Variants in LRRC37A2 observed in about 807,000 individuals in gnomAD.
LRRC37A2 encodes the protein leucine-rich repeat-containing protein 37A2.
LRRC37A2 carries 9 observed loss-of-function variants against 68.8 expected under a neutral mutation model. The observed-to-expected ratio is 0.13, with a 90% confidence interval of 0.08 to 0.23. LRRC37A2 has a LOEUF of 0.23. Among genes scored for constraint, LRRC37A2 ranks in the 10% least tolerant of loss-of-function variants. The pLI is 1.00. For missense variants in LRRC37A2, 168 were observed against 950.4 expected, an observed-to-expected ratio of 0.18 and a Z score of 10.82; for synonymous variants, 63 against 367.6, an observed-to-expected ratio of 0.17 and a Z score of 9.48.
At chr17:46,775,908 C>G in the LRRC37A2 span, among the ~76,000 whole-genome samples, 1 of 152,140 alleles carries the variant, frequency 6.6e-6, no homozygotes, top group African/African-American at 2.4e-5. Context: ...CCACCACGCC[C>G]GGCCCAGAAG....
chr17:46,755,787 G>C, the LRRC37A2 span: 2 of 1,595,846 alleles, frequency 1.3e-6, no homozygotes, highest in African/African-American at 2.8e-5. Flanking sequence ...TTGTGTTTTG[G>C]TATTTCTTTT....
the LRRC37A2 span, chr17:46,941,066 T>A: frequency 9.2e-7 from 1 of 1,082,418 alleles, no homozygotes. Context: ...AGCCAGCCTC[T>A]GTGACCTTGT....
At chr17:46,830,978 A>G in the LRRC37A2 span, 1 of 391,010 alleles carries the variant, frequency 2.6e-6, no homozygotes. Context: ...GTCTGGTTAG[A>G]ATGAAACCTC....
chr17:46,493,631 G>A, the LRRC37A2 span, among the ~76,000 whole-genome samples: 7 of 147,458 alleles, frequency 4.7e-5, no homozygotes, highest in East Asian at 2.0e-4. Flanking sequence ...TCCCCCTCCC[G>A]GGTTCACACC....
the LRRC37A2 span, among the ~76,000 whole-genome samples, chr17:46,795,307 A>C: frequency 6.6e-6 from 1 of 152,272 alleles, no homozygotes; most frequent in Admixed American, 6.5e-5. Flanking sequence ...TGGTGTGGCC[A>C]GAACTGGGGA....
intron 8 of LRRC37A2, among the ~76,000 whole-genome samples, chr17:46,541,888 A>G (rs2055392302): frequency 6.7e-6 from 1 of 149,818 alleles, no homozygotes. Flanking sequence ...AATCCCCTGC[A>G]GACACCGAGG....
the LRRC37A2 span, among the ~76,000 whole-genome samples, chr17:46,819,440 C>T: frequency 2.0e-5 from 3 of 152,188 alleles, no homozygotes. This position sits in a 1 kb window ranked among gnomAD's most constrained non-coding sequence, Gnocchi z 5.3. Context: ...AGTCGCATTT[C>T]CTGCTCTCGG....
the LRRC37A2 span, among the ~76,000 whole-genome samples, chr17:46,440,671 T>C: frequency 0.6 from 5,802 of 9,712 alleles, 1,543 homozygotes; most frequent in Non-Finnish European, 0.83. Context: ...TTCATCATGT[T>C]AGCCAGGCTG....
the LRRC37A2 span, chr17:46,923,374 G>T: frequency 6.8e-7 from 1 of 1,472,644 alleles, no homozygotes. Flanking sequence ...CTTAATCCTT[G>T]GCGGGACTCC....
At chr17:46,776,143 C>T in the LRRC37A2 span, among the ~76,000 whole-genome samples, 1 of 152,242 alleles carries the variant, frequency 6.6e-6, no homozygotes, top group Non-Finnish European at 1.5e-5. Flanking sequence ...GGGTGTCAGA[C>T]TCCAGAGCCC....
At chr17:46,877,071 G>T in the LRRC37A2 span, 8 of 1,086,114 alleles carry the variant, frequency 7.4e-6, no homozygotes, top group African/African-American at 1.1e-4. Flanking sequence ...TTGCTTCCTG[G>T]GATGAATGGC....
the LRRC37A2 span, chr17:46,934,947 C>T: frequency 7.8e-7 from 1 of 1,287,830 alleles, no homozygotes; most frequent in South Asian, 1.2e-5. Flanking sequence ...TCTGGCTTGG[C>T]CTTGGCCAAA....
chr17:46,609,832 T>TTC, the LRRC37A2 span, among the ~76,000 whole-genome samples: 3 of 141,566 alleles, frequency 2.1e-5, no homozygotes, highest in East Asian at 1.9e-4. Context: ...TGTTTCTTTT[T>TTC]TTTTTTTTTT....
chr17:46,872,793 G>A, the LRRC37A2 span: 2 of 1,360,784 alleles, frequency 1.5e-6, no homozygotes, highest in Admixed American at 1.8e-5. Flanking sequence ...AGGGCTAGGG[G>A]ACGGGGAGGG....
chr17:47,017,849 T>C, the LRRC37A2 span: 35 of 1,610,752 alleles, frequency 2.2e-5, 1 homozygote, highest in South Asian at 2.7e-4. Flanking sequence ...CTCAATTCCA[T>C]CTAGAGCCCG....
the LRRC37A2 span, among the ~76,000 whole-genome samples, chr17:46,820,150 C>T: frequency 6.6e-6 from 1 of 152,224 alleles, no homozygotes; most frequent in Non-Finnish European, 1.5e-5. Flanking sequence ...GCCCCCCGTA[C>T]CCACAGCTCC....
chr17:46,973,689 C>G, the LRRC37A2 span, among the ~76,000 whole-genome samples: 1 of 152,128 alleles, frequency 6.6e-6, no homozygotes, highest in African/African-American at 2.4e-5. Flanking sequence ...TCCTGGACAC[C>G]CCGTGTATCT....
the LRRC37A2 span, among the ~76,000 whole-genome samples, chr17:46,608,740 AC>A: frequency 5.7e-5 from 7 of 122,846 alleles, no homozygotes; most frequent in African/African-American, 2.4e-4. Flanking sequence ...GATTATGGGC[AC>A]CCACCACCAC....
the LRRC37A2 span, among the ~76,000 whole-genome samples, chr17:46,809,653 C>G: frequency 6.6e-6 from 1 of 152,228 alleles, no homozygotes; most frequent in African/African-American, 2.4e-5. Flanking sequence ...CTCACCTCCA[C>G]CTACATCTTC....
Sources: allele counts gnomAD v4.1 joint callset (sites outside exome capture counted in the v4.1 genomes callset), GRCh38; gene constraint gnomAD v4.1.1; non-coding constraint Gnocchi (gnomAD v3.1); transcripts MANE v1.5; gene names NCBI Gene and HGNC (gene_info 2026-07-23, HGNC 2026-07-21).